The following FBXL7 variants were observed in gnomAD, a reference collection of about 807,000 sequenced individuals.
FBXL7 encodes the protein F-box/LRR-repeat protein 7.
In FBXL7, 12 loss-of-function variants were observed where a neutral mutation model predicts 38.3. That is an observed-to-expected ratio of 0.31 (90% CI 0.20 to 0.51). FBXL7 has a LOEUF of 0.51. Among genes scored for constraint, FBXL7 ranks in the 20% least tolerant of loss-of-function variants. The probability of loss-of-function intolerance (pLI) is 0.98; values close to 1 mark genes in which losing one functional copy is unlikely to be tolerated. For synonymous variants in FBXL7, 297 were observed against 300.9 expected, an observed-to-expected ratio of 0.99 and a Z score of 0.13; for missense variants, 567 against 676.4, an observed-to-expected ratio of 0.84 and a Z score of 1.79.
chr5:15,572,402 A>G (rs2126454549), intron 1 of FBXL7, among the ~76,000 whole-genome samples: 1 of 152,160 alleles, frequency 6.6e-6, no homozygotes, highest in African/African-American at 2.4e-5. Context: ...AAAAAAAAAA[A>G]AAAAAAAATC....
At chr5:15,893,780 A>G (rs1173482873) in intron 2 of FBXL7, among the ~76,000 whole-genome samples, 1 of 152,220 alleles carries the variant, frequency 6.6e-6, no homozygotes, top group Non-Finnish European at 1.5e-5. Flanking sequence ...TGAAGACATA[A>G]TGCTATAGGA....
At chr5:15,813,872 A>G (rs1011131293) in intron 2 of FBXL7, among the ~76,000 whole-genome samples, 4 of 152,326 alleles carry the variant, frequency 2.6e-5, no homozygotes, top group African/African-American at 9.6e-5. Flanking sequence ...CAAAAGCACA[A>G]TGAGATACCA....
intron 2 of FBXL7, among the ~76,000 whole-genome samples, chr5:15,874,605 C>A (rs1424923640): frequency 1.3e-5 from 2 of 152,180 alleles, no homozygotes; most frequent in Non-Finnish European, 2.9e-5. Flanking sequence ...AAATCACAAC[C>A]ATTCCTATAC....
chr5:15,582,104 A>T (rs1739163512), intron 1 of FBXL7, among the ~76,000 whole-genome samples: 1 of 152,004 alleles, frequency 6.6e-6, no homozygotes, highest in East Asian at 2.0e-4. Flanking sequence ...TGCCTGGCTA[A>T]TTTTTTGTGT....
intron 2 of FBXL7, among the ~76,000 whole-genome samples, chr5:15,760,033 T>C (rs1371698945): frequency 6.6e-6 from 1 of 152,172 alleles, no homozygotes; most frequent in Non-Finnish European, 1.5e-5. Context: ...GAAGGCACCT[T>C]TGAGAATTAT....
chr5:15,863,421 G>A (rs185493166), intron 2 of FBXL7, among the ~76,000 whole-genome samples: 1 of 152,250 alleles, frequency 6.6e-6, no homozygotes, highest in East Asian at 1.9e-4. Context: ...ATAAATCAAG[G>A]CAGGAATTTG....
At position 15,616,011 on chromosome 5, in the gene FBXL7, C is replaced by T. The variant is rs374923904; in HGVS notation, c.66C>T (p.Asp22=). ...EGKGSSSISS[D]VSSSTDHTPT... ...AAGGCAGCTCGAGCATCTCATCTGA[C>T]GTGAGTTCAAGTACAGATCACACGC... is the stretch of plus-strand genomic sequence containing the variant. Residue 22 remains aspartate (D), a synonymous_variant, in exon 2 of 4, where the codon GAC becomes GAT. Transcript: ENST00000504595. The T allele has an allele frequency of 2.9e-5, 47 of 1,613,030 alleles. No individual in the cohort carries two copies. The highest frequency in any genetic ancestry group is 5.3e-5 in the African/African-American group (4 of 74,854).
chr5:15,845,825 G>T (rs1738881863), intron 2 of FBXL7, among the ~76,000 whole-genome samples: 1 of 152,068 alleles, frequency 6.6e-6, no homozygotes, highest in Non-Finnish European at 1.5e-5. Flanking sequence ...CAAAAAATTA[G>T]CCGGGCGTGG....
At chr5:15,891,805 C>G (rs1740914580) in intron 2 of FBXL7, among the ~76,000 whole-genome samples, 1 of 152,182 alleles carries the variant, frequency 6.6e-6, no homozygotes, top group Non-Finnish European at 1.5e-5. Context: ...AGACAGTACC[C>G]ACGGACTAGC....
At chr5:15,573,814 C>T (rs1738870889) in intron 1 of FBXL7, among the ~76,000 whole-genome samples, 1 of 152,148 alleles carries the variant, frequency 6.6e-6, no homozygotes, top group African/African-American at 2.4e-5. Flanking sequence ...TAGTTTATCA[C>T]GAGGTCCTTG....
intron 2 of FBXL7, among the ~76,000 whole-genome samples, chr5:15,724,313 T>C (rs969669209): frequency 6.6e-5 from 10 of 152,222 alleles, no homozygotes; most frequent in African/African-American, 2.4e-4. Context: ...AAACAGTCTT[T>C]AATATTTCTT....
chr5:15,724,820 C>T (rs1013706282), intron 2 of FBXL7, among the ~76,000 whole-genome samples: 7 of 152,068 alleles, frequency 4.6e-5, no homozygotes, highest in Admixed American at 2.6e-4. Context: ...AGCTTGGATT[C>T]GTAGAGCAGT....
intron 2 of FBXL7, among the ~76,000 whole-genome samples, chr5:15,819,234 C>T (rs753623805): frequency 8.6e-5 from 13 of 152,008 alleles, no homozygotes; most frequent in Non-Finnish European, 1.3e-4. Flanking sequence ...GGAGTTGGCC[C>T]GCAAGCCTTC....
intron 2 of FBXL7, among the ~76,000 whole-genome samples, chr5:15,915,259 A>G (rs1184378616): frequency 6.6e-6 from 1 of 152,248 alleles, no homozygotes; most frequent in African/African-American, 2.4e-5. Flanking sequence ...GCTGTAACAA[A>G]ATACTGCAAA....
At chr5:15,554,321 G>C (rs1738170315) in intron 1 of FBXL7, among the ~76,000 whole-genome samples, 1 of 152,090 alleles carries the variant, frequency 6.6e-6, no homozygotes, top group South Asian at 2.1e-4. Flanking sequence ...CCCAATTCAA[G>C]CAGATCCCTG....
chr5:15,758,061 C>G (rs972141482), intron 2 of FBXL7, among the ~76,000 whole-genome samples: 2 of 151,980 alleles, frequency 1.3e-5, no homozygotes, highest in Non-Finnish European at 2.9e-5. Flanking sequence ...ATCAAACAGC[C>G]AAGTAGAGTT....
At chr5:15,635,807 C>G (rs1741170785) in intron 2 of FBXL7, among the ~76,000 whole-genome samples, 1 of 152,128 alleles carries the variant, frequency 6.6e-6, no homozygotes, top group East Asian at 1.9e-4. Context: ...TCTGCGTGGC[C>G]CTGGGAATGG....
intron 2 of FBXL7, among the ~76,000 whole-genome samples, chr5:15,848,989 A>G (rs1739013058): frequency 6.6e-6 from 1 of 152,228 alleles, no homozygotes; most frequent in Non-Finnish European, 1.5e-5. Flanking sequence ...GCAGCTGCTG[A>G]GATGGAATGT....
intron 2 of FBXL7, among the ~76,000 whole-genome samples, chr5:15,634,761 C>G (rs916307397): frequency 2.0e-5 from 3 of 152,154 alleles, no homozygotes; most frequent in Non-Finnish European, 4.4e-5. Flanking sequence ...GTTTGAAAAT[C>G]TGTTTCTTCT....
Sources: gnomAD v4.1 joint callset for allele counts (sites outside exome capture counted in the v4.1 genomes callset) on GRCh38, gnomAD v4.1.1 for gene constraint, MANE v1.5 for transcripts, NCBI Gene and HGNC (gene_info 2026-07-23, HGNC 2026-07-21) for gene names.